DDR1: variants seen among roughly 807,000 people sequenced by gnomAD.
DDR1 encodes epithelial discoidin domain-containing receptor 1.
In DDR1, 64 loss-of-function variants were observed where a neutral mutation model predicts 97.4. The ratio of observed to expected loss-of-function variants is 0.66; its 90% confidence interval spans 0.54 to 0.81. The LOEUF (loss-of-function observed/expected upper bound fraction) is 0.81. Among genes scored for constraint, DDR1 ranks in the 30% least tolerant of loss-of-function variants. The pLI is 0.00. For synonymous variants in DDR1, 458 were observed against 503.7 expected, an observed-to-expected ratio of 0.91 and a Z score of 1.21; for missense variants, 990 against 1,259.6, an observed-to-expected ratio of 0.79 and a Z score of 3.24.
Position 30,894,264 on chromosome 6 carries a change from A to G in DDR1, c.1348-242A>G, listed in dbSNP as rs1264309770. Among the ~76,000 whole-genome samples, 12 of 148,246 alleles carry G rather than the reference A, an allele frequency of 8.1e-5. No individual in the cohort carries two copies. The East Asian group carries it at 2.4e-3, about 29-fold the overall frequency. On this transcript the variant is annotated intron_variant, in intron 10 of 17. Transcript: ENST00000376568. This position sits in a 1 kb window ranked among gnomAD's most constrained non-coding sequence, Gnocchi z 5.7. The stretch of plus-strand genomic sequence containing the variant: ...TTCCATCTCAAAAAAACAAACAAAC[A>G]AAAAAAAAACGGTTGATAGTTATGG...
Position 30,897,607 on chromosome 6 carries a change from T to TA in DDR1, c.2216+11dup, listed in dbSNP as rs765219706. On this transcript the variant is annotated intron_variant, in intron 15 of 17. Transcript: ENST00000376568. This position sits in a 1 kb window ranked among gnomAD's most constrained non-coding sequence, Gnocchi z 5.2. ...AGGGGCCCACCATCAGGTACCTGCT[T>TA]ACCCAGGCTGGGCCTTGCTCAGAAT... 1 of 1,601,892 alleles carries TA rather than the reference T, an allele frequency of 6.2e-7. No individual in the cohort carries two copies. Among genetic ancestry groups the TA allele is most frequent in the Admixed American group, 1.7e-5 (1 of 59,748 alleles).
chr6:30,882,308 G>T (rs1193410199), upstream of DDR1, among the ~76,000 whole-genome samples: 1 of 152,242 alleles, frequency 6.6e-6, no homozygotes, highest in Non-Finnish European at 1.5e-5. The surrounding 1 kb of genome is among the most constrained non-coding windows in gnomAD (Gnocchi z 4.8). Flanking sequence ...CCACTGGCTT[G>T]AAGGGGAGGG....
rs6901464 is a variant in DDR1 at position 30,886,313 on chromosome 6, G to T, written c.-43+1603G>T. ...GGAACAAGAGCCCCGCTGTTCCCGA[G>T]AGAGGTGGGGTTGGAGAGCGGCACC... On this transcript the variant is annotated intron_variant, in intron 1 of 17. Coordinates refer to ENST00000376568, the MANE Select transcript of DDR1 (RefSeq NM_001297654.2). The surrounding 1 kb of genome is among the most constrained non-coding windows in gnomAD (Gnocchi z 4.6). 0.26 allele frequency among the ~76,000 whole-genome samples: 39,713 copies of T among 151,976 alleles called. 6,153 individuals carry two copies. Among genetic ancestry groups the T allele is most frequent in the East Asian group, 0.61 (3,140 of 5,140 alleles).
chr6:30,892,921 C>T (rs1789103595), intron 8 of DDR1, 147 bp from the exon 9 acceptor site: 2 of 717,782 alleles, frequency 2.8e-6, no homozygotes, highest in East Asian at 2.7e-5. Flanking sequence ...GTTCCAGGAC[C>T]CTGCTCCCCC....
intron 10 of DDR1, 75 bp downstream of exon 10, chr6:30,893,498 G>T: frequency 6.6e-7 from 1 of 1,522,532 alleles, no homozygotes; most frequent in Non-Finnish European, 8.8e-7. Context: ...AGTGGGACCT[G>T]CAGGGCACAG....
Position 30,888,568 on chromosome 6 carries a change from C to G in DDR1, c.-42-120C>G. ...TAAAAATATAGCTGATGCTGTTAAA[C>G]AATGACTGTTGTTGTTGTTTTACTG... On this transcript the variant is annotated intron_variant, in intron 1 of 17. Transcript: ENST00000376568. The surrounding 1 kb of genome is among the most constrained non-coding windows in gnomAD (Gnocchi z 4.2). 8.6e-7 allele frequency: 1 copy of G among 1,159,118 alleles called. No homozygotes were observed. The highest frequency in any genetic ancestry group is 1.2e-6 in the Non-Finnish European group (1 of 833,660). 71.8% of individuals were successfully genotyped at this position (1,159,118 alleles called of 1,614,324 possible). A position where few individuals can be genotyped will look rare whatever the true frequency, so the allele number is the denominator to read the frequency against.
intron 12 of DDR1, 133 bp downstream of exon 12, chr6:30,895,647 G>A: frequency 1.8e-6 from 1 of 565,262 alleles, no homozygotes; most frequent in East Asian, 3.2e-5. Flanking sequence ...CAAGGAGGAA[G>A]CTCTTGTGCC....
rs1248071152 is a variant in DDR1 at position 30,894,525 on chromosome 6, A to G, written c.1367A>G (p.Glu456Gly). ...GACAAGGCTGAACGGAGGGTGTTGG[A>G]AGAGGAGCTGACGGTTCACCTCTCT... ...LLSKAERRVL[E>G]EELTVHLSVP... The change falls in exon 11 of 18, where the codon GAA (glutamate) becomes GGA (glycine). Residue 456 changes from glutamate (E) to glycine (G), a missense_variant. Transcript: ENST00000376568. This position sits in a 1 kb window ranked among gnomAD's most constrained non-coding sequence, Gnocchi z 5.7. 1.2e-6 allele frequency: 2 copies of G among 1,611,128 alleles called. No individual in the cohort carries two copies. Among genetic ancestry groups the G allele is most frequent in the Non-Finnish European group, 1.7e-6 (2 of 1,178,554 alleles).
rs1791402780 is a variant in DDR1 at position 30,897,603 on chromosome 6, T to G, written c.2216+6T>G. On this transcript the variant is annotated splice_donor_region_variant and intron_variant, in intron 15 of 17. Coordinates refer to ENST00000376568, the MANE Select transcript of DDR1 (RefSeq NM_001297654.2). The surrounding 1 kb of genome is among the most constrained non-coding windows in gnomAD (Gnocchi z 5.2). ...GCGCAGGGGCCCACCATCAGGTACC[T>G]GCTTACCCAGGCTGGGCCTTGCTCA... 1 of 1,605,592 alleles carries G rather than the reference T, an allele frequency of 6.2e-7. No individual in the cohort carries two copies. Among genetic ancestry groups the G allele is most frequent in the Non-Finnish European group, 8.5e-7 (1 of 1,177,202 alleles).
chr6:30,880,976 AAGCCAGCCGCAGCTGGCCCGGGCAGC>A (rs1287713331), upstream of DDR1: 1 of 151,748 alleles, frequency 6.6e-6, no homozygotes, highest in East Asian at 1.9e-4. The surrounding 1 kb of genome is among the most constrained non-coding windows in gnomAD (Gnocchi z 4.3). Flanking sequence ...GGTCACATTG[AAGCCAGCCGCAGCTGGCCCGGGCAGC>A]TGCTCCTCCT....
At position 30,891,163 on chromosome 6, in the gene DDR1, G is replaced by T. The variant is rs772741154; in HGVS notation, c.565+43G>T. The T allele has an allele frequency of 6.2e-7, 1 of 1,610,282 alleles. No individual in the cohort carries two copies. The highest frequency in any genetic ancestry group is 1.1e-5 in the South Asian group (1 of 90,896). On this transcript the variant is annotated intron_variant, in intron 5 of 17. Transcript: ENST00000376568. This position sits in a 1 kb window ranked among gnomAD's most constrained non-coding sequence, Gnocchi z 5.3. The stretch of plus-strand genomic sequence containing the variant: ...CTGGGAATCTGTTTCCTGAGCAGGG[G>T]ACTGGAGGGTGGGGAGTGTGGAGAA...
intron 10 of DDR1, 22 bp downstream of exon 10, chr6:30,893,445 G>C: frequency 1.3e-6 from 2 of 1,591,170 alleles, no homozygotes; most frequent in Non-Finnish European, 1.7e-6. Context: ...CGTGGCATGT[G>C]GAGTGGCGGG....
rs2150299980 is a variant in DDR1, at chr6:30,889,257, AAGG to A, written c.253_255del (p.Glu85del). 1 of 1,613,000 alleles carries A rather than the reference AAGG, an allele frequency of 6.2e-7. No individual in the cohort carries two copies. The highest frequency in any genetic ancestry group is 8.5e-7 in the Non-Finnish European group (1 of 1,180,012). The stretch of plus-strand genomic sequence containing the variant: ...GTGCCCCGCAGGGTCGGTGTTTCCC[AAGG>A]AGGAGGAGTACTTGCAGGTGGATCT... On this transcript the variant is annotated inframe_deletion, in exon 4 of 18. Transcript: ENST00000376568. The surrounding 1 kb of genome is among the most constrained non-coding windows in gnomAD (Gnocchi z 4.9).
In DDR1 at chr6:30,899,465, C is replaced by G; in HGVS notation, c.*169C>G. On this transcript the variant is annotated 3_prime_UTR_variant, in exon 18 of 18. Transcript: ENST00000376568. ...TGGGCCCACCCAGGGAGCTGATGCCCCTTCTCCCCTTCCTGGACACACTCT... is the reference window on the plus strand; with the variant it reads ...TGGGCCCACCCAGGGAGCTGATGCCGCTTCTCCCCTTCCTGGACACACTCT... The G allele has an allele frequency of 1.3e-6, 1 of 741,254 alleles. No homozygotes were observed. Among genetic ancestry groups the G allele is most frequent in the Admixed American group, 3.0e-5 (1 of 33,334 alleles). The allele number at this position is 741,254 out of a possible 1,614,324, so 45.9% of individuals were successfully genotyped here. A position where few individuals can be genotyped will look rare whatever the true frequency, so the allele number is the denominator to read the frequency against.
At position 30,885,785 on chromosome 6, in the gene DDR1, T is replaced by G. The variant is rs1401376742; in HGVS notation, c.-43+1075T>G. ...AGAGGTGGGTGTGTGCATGCCACAT[T>G]TAGCCTCGCTGTTTACAGCCAGTTC... On this transcript the variant is annotated intron_variant, in intron 1 of 17. Transcript: ENST00000376568. The G allele has an allele frequency of 3.1e-6, 4 of 1,290,844 alleles. No individual in the cohort carries two copies. In the East Asian group the frequency reaches 2.2e-4, roughly 71 times the overall value. The allele number at this position is 1,290,844 out of a possible 1,614,324, so 80.0% of individuals were successfully genotyped here. A position where few individuals can be genotyped will look rare whatever the true frequency, so the allele number is the denominator to read the frequency against.
chr6:30,899,259 A>G lies in DDR1; in HGVS notation c.2705A>G (p.His902Arg), dbSNP rs546341028. ...SEQRPPFSQL[H>R]RFLAEDALNT... ...CAGCGACCACCCTTTTCCCAGCTGC[A>G]TCGGTTCCTGGCAGAGGATGCACTC... The change falls in exon 18 of 18, where the codon CAT becomes CGT. Residue 902 changes from histidine (H) to arginine (R), a missense_variant. Coordinates refer to ENST00000376568, the MANE Select transcript of DDR1 (RefSeq NM_001297654.2). 28 of 1,613,930 alleles carry G rather than the reference A, an allele frequency of 1.7e-5. No individual in the cohort carries two copies. The highest frequency in any genetic ancestry group is 1.7e-4 in the Middle Eastern group (1 of 6,056).
In DDR1 at chr6:30,897,072, A is replaced by T. The variant is rs1338059585; in HGVS notation, c.1928A>T (p.Asn643Ile). The change falls in exon 14 of 18, where the codon AAT becomes ATT. Residue 643 changes from asparagine to isoleucine, a missense_variant. By Grantham distance (149) the Asn-to-Ile change is moderately radical. Transcript: ENST00000376568. This position sits in a 1 kb window ranked among gnomAD's most constrained non-coding sequence, Gnocchi z 5.2. ...QDLVSLDFPL[N>I]VRKGHPLLVA... ...CTGGTTAGTCTTGATTTCCCCCTTA[A>T]TGTGCGTAAGGGACACCCTTTGCTG... 1 of 1,613,530 alleles carries T rather than the reference A, an allele frequency of 6.2e-7. No individual in the cohort carries two copies. The highest frequency in any genetic ancestry group is 1.7e-5 in the Admixed American group (1 of 59,998).
rs778269601 is a variant in DDR1, at chr6:30,899,021, G to A, written c.2585G>A (p.Arg862Gln). The A allele has an allele frequency of 1.2e-5, 19 of 1,613,990 alleles. No individual in the cohort carries two copies. The highest frequency in any genetic ancestry group is 4.5e-5 in the East Asian group (2 of 44,876). ...QVIENAGEFF[R>Q]DQGRQVYLSR... The stretch of plus-strand genomic sequence containing the variant: ...ATCGAGAACGCGGGGGAGTTCTTCC[G>A]GGACCAGGGCCGGCAGGTCAGAGTG... Residue 862 changes from arginine (R) to glutamine (Q), a missense_variant, in exon 17 of 18, where the codon CGG becomes CAG. Coordinates refer to ENST00000376568, the MANE Select transcript of DDR1 (RefSeq NM_001297654.2).
chr6:30,892,094 A>G lies in DDR1; in HGVS notation c.758A>G (p.Tyr253Cys). ...CAGGAGCTGCGGGTCTGGCCAGGCT[A>G]TGACTATGTGGGATGGAGCAACCAC... ...KSQELRVWPG[Y>C]DYVGWSNHSF... is the part of the protein sequence containing the mutation. Residue 253 changes from tyrosine to cysteine, a missense_variant, in exon 7 of 18, where the codon TAT becomes TGT. Transcript: ENST00000376568. The G allele has an allele frequency of 6.2e-7, 1 of 1,614,172 alleles. No homozygotes were observed. The highest frequency in any genetic ancestry group is 8.5e-7 in the Non-Finnish European group (1 of 1,179,998).
Sources: allele counts gnomAD v4.1 joint callset (sites outside exome capture counted in the v4.1 genomes callset), GRCh38; gene constraint gnomAD v4.1.1; non-coding constraint Gnocchi (gnomAD v3.1); transcripts MANE v1.5; gene names NCBI Gene and HGNC (gene_info 2026-07-23, HGNC 2026-07-21).